PTPRD: variants seen among roughly 807,000 people sequenced by gnomAD.
PTPRD encodes the protein receptor-type tyrosine-protein phosphatase delta.
PTPRD carries 34 observed loss-of-function variants against 214.5 expected under a neutral mutation model. The ratio of observed to expected loss-of-function variants is 0.16; its 90% confidence interval spans 0.12 to 0.21. The LOEUF (loss-of-function observed/expected upper bound fraction) is 0.21, where lower values mean the gene tolerates loss of function less well. Among genes scored for constraint, PTPRD ranks in the 10% least tolerant of loss-of-function variants. The probability of loss-of-function intolerance (pLI) is 1.00; values close to 1 mark genes in which losing one functional copy is unlikely to be tolerated. For missense variants in PTPRD, 2,545 were observed against 2,398.7 expected, an observed-to-expected ratio of 1.06 and a Z score of -1.27; for synonymous variants, 1,128 against 845.7, an observed-to-expected ratio of 1.33 and a Z score of -5.79.
intron 3 of PTPRD, among the ~76,000 whole-genome samples, chr9:10,228,531 G>A (rs575040452): frequency 5.9e-5 from 9 of 151,814 alleles, no homozygotes; most frequent in African/African-American, 1.7e-4. Flanking sequence ...ATGACTTTTC[G>A]AATATAAGAA....
intron 2 of PTPRD, 70 bp downstream of exon 2, chr9:10,612,328 T>C (rs566282624): frequency 2.6e-4 from 40 of 152,222 alleles, no homozygotes; most frequent in Middle Eastern, 3.4e-3. Flanking sequence ...GCATTGGACA[T>C]TGGGCATTGA....
At chr9:9,760,722 G>C (rs947139546) in intron 6 of PTPRD, among the ~76,000 whole-genome samples, 1 of 151,552 alleles carries the variant, frequency 6.6e-6, no homozygotes, top group African/African-American at 2.4e-5. Context: ...ATAATCTGAT[G>C]AGGAAATAGG....
At chr9:9,751,904 C>G (rs1033346132) in intron 6 of PTPRD, among the ~76,000 whole-genome samples, 4 of 152,082 alleles carry the variant, frequency 2.6e-5, no homozygotes, top group Non-Finnish European at 5.9e-5. Context: ...TAAAGCATGT[C>G]ACACAGGATA....
At chr9:10,335,257 G>C (rs1227415383) in intron 3 of PTPRD, among the ~76,000 whole-genome samples, 3 of 151,696 alleles carry the variant, frequency 2.0e-5, no homozygotes, top group Non-Finnish European at 4.4e-5. Context: ...CAATGGAACA[G>C]AAAGAGCACC....
rs554579998 is a variant in PTPRD, at chr9:9,515,066, A to T, written c.-237+59666T>A. ...TTATATGTTGGGTAGCAAAAGTCCA[A>T]CCTGGTTTCTCTCAATCATTCAGGG... On this transcript the variant is annotated intron_variant, in intron 8 of 45. Coordinates refer to ENST00000381196, the MANE Select transcript of PTPRD (RefSeq NM_002839.4). Among the ~76,000 whole-genome samples, 4 of 152,190 alleles carry T rather than the reference A, an allele frequency of 2.6e-5. No homozygotes were observed. In the East Asian group the frequency reaches 5.8e-4, roughly 22 times the overall value.
rs948797497 is a variant in PTPRD at position 8,317,514 on chromosome 9, A to C, written c.*360T>G. On this transcript the variant is annotated 3_prime_UTR_variant, in exon 46 of 46. Transcript: ENST00000381196. ...CACACCAGCACATATCTTGTGCTGAACTGCAGCATTCTGGCAATTTCTCCT... is the reference window on the plus strand; with the variant it reads ...CACACCAGCACATATCTTGTGCTGACCTGCAGCATTCTGGCAATTTCTCCT... 9 of 271,320 alleles carry C rather than the reference A, an allele frequency of 3.3e-5. No homozygotes were observed. Among genetic ancestry groups the C allele is most frequent in the African/African-American group, 1.7e-4 (8 of 46,936 alleles). The allele number at this position is 271,320 out of a possible 1,614,324, so 16.8% of individuals were successfully genotyped here.
At position 8,421,329 on chromosome 9, in the gene PTPRD, CTTTTCT is replaced by C. The variant is rs796479781; in HGVS notation, c.4086+15257_4086+15262del. On this transcript the variant is annotated intron_variant, in intron 35 of 45. Coordinates refer to ENST00000381196, the MANE Select transcript of PTPRD (RefSeq NM_002839.4). The stretch of plus-strand genomic sequence containing the variant: ...GGCTTTTCTCTTCCTTCTTTCTTTC[CTTTTCT>C]TTTTCTTTTCTTTCTTCTTCTCTCT... Among the ~76,000 whole-genome samples, 111 of 144,976 alleles carry C rather than the reference CTTTTCT, an allele frequency of 7.7e-4. 1 individual carries two copies. In the South Asian group the frequency reaches 0.021, roughly 28 times the overall value.
At chr9:9,852,597 C>G (rs955774224) in intron 5 of PTPRD, among the ~76,000 whole-genome samples, 3 of 152,036 alleles carry the variant, frequency 2.0e-5, no homozygotes, top group African/African-American at 7.2e-5. Context: ...ATCACTCCCT[C>G]ATATAGATTT....
chr9:9,159,213 G>C (rs1341129900), intron 10 of PTPRD, among the ~76,000 whole-genome samples: 1 of 151,960 alleles, frequency 6.6e-6, no homozygotes, highest in Non-Finnish European at 1.5e-5. Context: ...ATAGTAATTA[G>C]GTAAGGGAAA....
chr9:10,189,308 C>A (rs1404237093), intron 3 of PTPRD, among the ~76,000 whole-genome samples: 1 of 152,092 alleles, frequency 6.6e-6, no homozygotes, highest in African/African-American at 2.4e-5. Context: ...TTCTCATAAA[C>A]ATATGTGGAG....
At chr9:9,402,593 A>G (rs992825314) in intron 8 of PTPRD, among the ~76,000 whole-genome samples, 1 of 152,126 alleles carries the variant, frequency 6.6e-6, no homozygotes, top group Non-Finnish European at 1.5e-5. Context: ...GGAAATCTTG[A>G]GTGAAAGTCA....
Position 9,714,067 on chromosome 9 carries a change from T to C in PTPRD, c.-287+20466A>G, listed in dbSNP as rs893247693. On this transcript the variant is annotated intron_variant, in intron 7 of 45. Transcript: ENST00000381196. Reference sequence around the variant, plus strand: ...GGCACAATGACCCCAGTACATCTTTTACAAGATGTTGTTCACTTGCGCAAA... The same window carrying C: ...GGCACAATGACCCCAGTACATCTTTCACAAGATGTTGTTCACTTGCGCAAA... 4.8e-5 allele frequency among the ~76,000 whole-genome samples: 7 copies of C among 144,628 alleles called. No individual in the cohort carries two copies. The East Asian group carries it at 9.2e-4, about 19-fold the overall frequency. 94.9% of individuals were successfully genotyped at this position (144,628 alleles called of 152,430 possible).
chr9:10,461,621 CTTTT>C (rs745654705), intron 2 of PTPRD, among the ~76,000 whole-genome samples: 2 of 133,064 alleles, frequency 1.5e-5, no homozygotes. Flanking sequence ...GCATGACATT[CTTTT>C]TTTTTTTTTT....
rs570893359 is a variant in PTPRD at position 9,261,113 on chromosome 9, C to T, written c.-202-77750G>A. Among the ~76,000 whole-genome samples the T allele has an allele frequency of 2.6e-5, 4 of 151,904 alleles. No homozygotes were observed. In the East Asian group the frequency reaches 7.8e-4, roughly 30 times the overall value. On this transcript the variant is annotated intron_variant, in intron 9 of 45. Transcript: ENST00000381196. ...TAGAAAACTTATTTCAATTATCATA[C>T]CACCAACAAGGATGCAATCTGTTCA...
intron 14 of PTPRD, among the ~76,000 whole-genome samples, chr9:8,574,643 G>C (rs2091982095): frequency 6.6e-6 from 1 of 151,900 alleles, no homozygotes; most frequent in Non-Finnish European, 1.5e-5. Context: ...CACATACTTT[G>C]TTATTACTTT....
At chr9:10,439,987 C>T (rs2098748090) in intron 2 of PTPRD, among the ~76,000 whole-genome samples, 1 of 151,322 alleles carries the variant, frequency 6.6e-6, no homozygotes, top group South Asian at 2.1e-4. Flanking sequence ...CTTAGAAATA[C>T]ATGTATCCTG....
chr9:9,624,150 A>C (rs1361963169), intron 7 of PTPRD, among the ~76,000 whole-genome samples: 2 of 152,230 alleles, frequency 1.3e-5, no homozygotes, highest in Non-Finnish European at 2.9e-5. Flanking sequence ...TAGTGGATAA[A>C]GCAAGTCTTA....
chr9:10,290,855 G>C (rs1485849315), intron 3 of PTPRD, among the ~76,000 whole-genome samples: 3 of 152,088 alleles, frequency 2.0e-5, no homozygotes, highest in East Asian at 1.9e-4. Context: ...TTTCAACAAA[G>C]GAAGTACACA....
intron 3 of PTPRD, among the ~76,000 whole-genome samples, chr9:10,282,819 T>C (rs554433126): frequency 2.6e-5 from 4 of 152,178 alleles, no homozygotes; most frequent in Non-Finnish European, 4.4e-5. Flanking sequence ...AGATCAGAAG[T>C]AGCAAGAATC....
Sources: allele counts gnomAD v4.1 joint callset (sites outside exome capture counted in the v4.1 genomes callset), GRCh38; gene constraint gnomAD v4.1.1; transcripts MANE v1.5; gene names NCBI Gene and HGNC (gene_info 2026-07-23, HGNC 2026-07-21).